Variants in SNTA1 observed in about 807,000 individuals in gnomAD.
SNTA1 encodes syntrophin alpha 1.
A neutral mutation model predicts 47.1 loss-of-function variants in SNTA1; 31 were observed. That is an observed-to-expected ratio of 0.66 (90% CI 0.49 to 0.89). The LOEUF (loss-of-function observed/expected upper bound fraction) is 0.89. Ranked by LOEUF, SNTA1 falls within the 40% of genes least tolerant of loss-of-function variation. The pLI, the probability that SNTA1 is intolerant of heterozygous loss-of-function variation, is 0.00. For missense variants in SNTA1, 575 were observed against 693.0 expected (o/e 0.83, Z 1.91); for synonymous variants, 300 against 313.6 (o/e 0.96, Z 0.46).
At chr20:33,436,333 A>C (rs565245946) in intron 2 of SNTA1, among the ~76,000 whole-genome samples, 1 of 152,234 alleles carries the variant, frequency 6.6e-6, no homozygotes, top group South Asian at 2.1e-4. Flanking sequence ...AAGAGCTTTC[A>C]AGTCAACTAA....
At position 33,443,732 on chromosome 20, in the gene SNTA1, C is replaced by A; in HGVS notation, c.-112G>T. The A allele has an allele frequency of 5.0e-6, 3 of 603,172 alleles. No individual in the cohort carries two copies. The highest frequency in any genetic ancestry group is 6.6e-6 in the Non-Finnish European group (3 of 451,358). The allele number at this position is 603,172 out of a possible 1,614,324, so 37.4% of individuals were successfully genotyped here. A position where few individuals can be genotyped will look rare whatever the true frequency, so the allele number is the denominator to read the frequency against. ...GCGGGGGCCCGGCTGGGCCAGCCGC[C>A]ACCCTACCCCGGCCGCTGGGGGAGG... On this transcript the variant is annotated 5_prime_UTR_variant, in exon 1 of 8. Transcript: ENST00000217381.
intron 1 of SNTA1, among the ~76,000 whole-genome samples, chr20:33,440,726 G>A (rs552426436): frequency 4.6e-5 from 7 of 151,596 alleles, no homozygotes; most frequent in South Asian, 2.1e-4. Flanking sequence ...GCTGAGGCAC[G>A]AGAACTGCTT....
intron 3 of SNTA1, 135 bp from the exon 4 acceptor site, chr20:33,412,917 T>G: frequency 1.4e-6 from 1 of 697,654 alleles, no homozygotes; most frequent in Admixed American, 2.0e-5. Flanking sequence ...GGAGCAACCC[T>G]CACTGCTGGG....
chr20:33,443,577 AG>A lies in SNTA1; in HGVS notation c.43del (p.Leu15CysfsTer19). On this transcript the variant is annotated frameshift_variant, in exon 1 of 8. Coordinates refer to ENST00000217381, the MANE Select transcript of SNTA1 (RefSeq NM_003098.3). LOFTEE classifies it high-confidence loss of function. ...RRAPRTGLLE[L>X]RAGAGSGAGG... is the part of the protein sequence containing the mutation. ...GGCCCCCGAGCCCGCCCCGGCGCGCAGCTCCAGCAGCCCGGTGCGCGGGGCG... is the reference window on the plus strand; with the variant it reads ...GGCCCCCGAGCCCGCCCCGGCGCGCACTCCAGCAGCCCGGTGCGCGGGGCG... 1 of 1,308,296 alleles carries A rather than the reference AG, an allele frequency of 7.6e-7. No homozygotes were observed. Among genetic ancestry groups the A allele is most frequent in the South Asian group, 1.9e-5 (1 of 52,702 alleles). The allele number at this position is 1,308,296 out of a possible 1,614,324, so 81.0% of individuals were successfully genotyped here.
At chr20:33,443,203 C>T in intron 1 of SNTA1, 108 bp downstream of exon 1, 1 of 852,572 alleles carries the variant, frequency 1.2e-6, no homozygotes, top group Non-Finnish European at 1.7e-6. Context: ...CCCCCTTACC[C>T]CCAGACAGGA....
chr20:33,418,792 CAAAAAAAAAAAAAAAA>C lies in SNTA1; in HGVS notation c.497-885_497-870del, dbSNP rs760390793. On this transcript the variant is annotated intron_variant, in intron 2 of 7. Coordinates refer to ENST00000217381, the MANE Select transcript of SNTA1 (RefSeq NM_003098.3). The stretch of plus-strand genomic sequence containing the variant: ...TGGGTGACATAACAAGACTCTGTCT[CAAAAAAAAAAAAAAAA>C]AAAAAAAAAAAAAAGACTCCCAGGC... Among the ~76,000 whole-genome samples the C allele has an allele frequency of 2.2e-3, 128 of 57,452 alleles. 2 individuals carry two copies. Among genetic ancestry groups the C allele is most frequent in the African/African-American group, 0.011 (114 of 10,382 alleles). The allele number at this position is 57,452 out of a possible 152,430, so 37.7% of individuals were successfully genotyped here. A position where few individuals can be genotyped will look rare whatever the true frequency, so the allele number is the denominator to read the frequency against.
intron 2 of SNTA1, among the ~76,000 whole-genome samples, chr20:33,419,794 G>C (rs534001357): frequency 6.6e-6 from 1 of 152,208 alleles, no homozygotes; most frequent in East Asian, 1.9e-4. Context: ...GATTGGTTTA[G>C]AAAGGGGCAA....
chr20:33,443,491 G>T lies in SNTA1; in HGVS notation c.130C>A (p.Pro44Thr), dbSNP rs1990633233. 1.4e-6 allele frequency: 2 copies of T among 1,379,678 alleles called. No individual in the cohort carries two copies. Among genetic ancestry groups the T allele is most frequent in the Non-Finnish European group, 1.9e-6 (2 of 1,061,866 alleles). 85.5% of individuals were successfully genotyped at this position (1,379,678 alleles called of 1,614,324 possible). ...TCGGGACCAGGGTCGCCGTCGGCGG[G>T]GCTCACGGTCAGCACGTCCTCCGCC... ...SLAEDVLTVS[P>T]ADGDPGPEPG... Residue 44 changes from proline to threonine, a missense_variant, in exon 1 of 8, where the codon CCC (proline) becomes ACC (threonine). Physicochemically the swap from Pro to Thr is conservative, Grantham distance 38 (BLOSUM62 -1). Transcript: ENST00000217381.
chr20:33,435,903 TGAG>T (rs2146803487), intron 2 of SNTA1, among the ~76,000 whole-genome samples: 1 of 152,048 alleles, frequency 6.6e-6, no homozygotes, highest in East Asian at 1.9e-4. Flanking sequence ...AATCTAAAGA[TGAG>T]GAGGTGGGCC....
chr20:33,442,615 G>C (rs1990606050), intron 1 of SNTA1, among the ~76,000 whole-genome samples: 1 of 152,104 alleles, frequency 6.6e-6, no homozygotes, highest in African/African-American at 2.4e-5. Flanking sequence ...AGGCGGGACG[G>C]GACTTTTGCA....
At chr20:33,437,664 G>A (rs1338156188) in intron 2 of SNTA1, among the ~76,000 whole-genome samples, 2 of 152,110 alleles carry the variant, frequency 1.3e-5, no homozygotes, top group Admixed American at 1.3e-4. Context: ...CAGCTTCTCT[G>A]GCCGTGTTAT....
intron 6 of SNTA1, among the ~76,000 whole-genome samples, chr20:33,409,327 T>G (rs2146755705): frequency 6.6e-6 from 1 of 152,338 alleles, no homozygotes; most frequent in South Asian, 2.1e-4. Context: ...TTATTTCCTC[T>G]GGCAACCCTA....
intron 2 of SNTA1, among the ~76,000 whole-genome samples, chr20:33,432,021 A>C (rs1990321414): frequency 1.3e-5 from 2 of 152,178 alleles, no homozygotes; most frequent in Admixed American, 6.5e-5. Context: ...GTCCAAAGCT[A>C]TGCGTGTGCA....
At chr20:33,425,115 C>G (rs1321643608) in intron 2 of SNTA1, among the ~76,000 whole-genome samples, 1 of 141,586 alleles carries the variant, frequency 7.1e-6, no homozygotes, top group Non-Finnish European at 1.5e-5. Context: ...GACTCCATCT[C>G]AAAAAAAAAA....
At chr20:33,416,867 G>A (rs1266610421) in intron 3 of SNTA1, among the ~76,000 whole-genome samples, 2 of 149,926 alleles carry the variant, frequency 1.3e-5, no homozygotes, top group Non-Finnish European at 2.9e-5. Context: ...CTTGAACCTG[G>A]AAGGCAGAGG....
At chr20:33,436,356 C>T (rs1034913617) in intron 2 of SNTA1, among the ~76,000 whole-genome samples, 6 of 152,110 alleles carry the variant, frequency 3.9e-5, no homozygotes, top group South Asian at 2.1e-4. Flanking sequence ...TATGACATTT[C>T]GATGAATGTC....
intron 2 of SNTA1, among the ~76,000 whole-genome samples, chr20:33,436,827 G>A (rs1044987024): frequency 2.6e-5 from 4 of 151,206 alleles, no homozygotes; most frequent in East Asian, 1.9e-4. Context: ...TTAGCCAGGC[G>A]TGGTAGTGCG....
intron 2 of SNTA1, among the ~76,000 whole-genome samples, chr20:33,437,858 C>T (rs1051473681): frequency 7.9e-5 from 12 of 152,368 alleles, no homozygotes; most frequent in African/African-American, 2.6e-4. Context: ...AGGCGTGTAA[C>T]AACTGATGGG....
At chr20:33,419,802 C>T (rs911129314) in intron 2 of SNTA1, among the ~76,000 whole-genome samples, 2 of 152,042 alleles carry the variant, frequency 1.3e-5, no homozygotes, top group Admixed American at 1.3e-4. Context: ...TAGAAAGGGG[C>T]AAATGATACA....
Sources: gnomAD v4.1 joint callset for allele counts (sites outside exome capture counted in the v4.1 genomes callset) on GRCh38, gnomAD v4.1.1 for gene constraint, MANE v1.5 for transcripts, NCBI Gene and HGNC (gene_info 2026-07-23, HGNC 2026-07-21) for gene names.